Variants in PTPRU observed in about 807,000 individuals in gnomAD.
PTPRU encodes the protein protein tyrosine phosphatase receptor type U.
Under a neutral mutation model 166.3 loss-of-function variants are expected in PTPRU, and 69 were observed. The ratio of observed to expected loss-of-function variants is 0.41; its 90% confidence interval spans 0.34 to 0.51. The LOEUF (loss-of-function observed/expected upper bound fraction) is 0.51, where lower values mean the gene tolerates loss of function less well. Ranked by LOEUF, PTPRU falls within the 20% of genes least tolerant of loss-of-function variation. The pLI is 0.09. For synonymous variants in PTPRU, 793 were observed against 814.0 expected (o/e 0.97, Z 0.44); for missense variants, 1,657 against 2,013.7 (o/e 0.82, Z 3.39).
intron 8 of PTPRU, among the ~76,000 whole-genome samples, chr1:29,277,803 C>CTTTTTTTATTTTTTTTTTTT (rs1685875903): frequency 2.0e-5 from 1 of 50,564 alleles, no homozygotes; most frequent in African/African-American, 9.2e-5. Flanking sequence ...AGTTGTCATT[C>CTTTTTTTATTTTTTTTTTTT]TTTTTTTTTT....
rs916932098 is a variant in PTPRU at position 29,311,156 on chromosome 1, C to T, written c.2858-300C>T. Reference sequence around the variant, plus strand: ...ATTCTTCTGTTTGCATCCCTTTCCACGACTGTCCATCTGTCTGTCCCTCCT... The same window carrying T: ...ATTCTTCTGTTTGCATCCCTTTCCATGACTGTCCATCTGTCTGTCCCTCCT... On this transcript the variant is annotated intron_variant, in intron 19 of 29. Transcript: ENST00000373779. The surrounding 1 kb of genome is among the most constrained non-coding windows in gnomAD (Gnocchi z 4.1). Among the ~76,000 whole-genome samples, 3 of 152,170 alleles carry T rather than the reference C, an allele frequency of 2.0e-5. No homozygotes were observed. Among genetic ancestry groups the T allele is most frequent in the African/African-American group, 4.8e-5 (2 of 41,444 alleles).
rs1002357173 is a variant in PTPRU at position 29,304,721 on chromosome 1, G to T, written c.2668-53G>T. 3.3e-6 allele frequency: 4 copies of T among 1,198,092 alleles called. No individual in the cohort carries two copies. The Admixed American group carries it at 6.4e-5, about 19-fold the overall frequency. 74.2% of individuals were successfully genotyped at this position (1,198,092 alleles called of 1,614,324 possible). ...ACATCATCCCCACTGAGGGGAAGGG[G>T]CCCTCAGTGAGGGTCCCTCTCTCCC... On this transcript the variant is annotated intron_variant, in intron 16 of 29. Transcript: ENST00000373779.
At position 29,304,025 on chromosome 1, in the gene PTPRU, G is replaced by A. The variant is rs765153873; in HGVS notation, c.2647G>A (p.Gly883Ser). Residue 883 changes from glycine (G) to serine (S), a missense_variant, in exon 16 of 30, where the codon GGC (glycine) becomes AGC (serine). Gly to Ser is a moderately conservative substitution (Grantham distance 56). This residue lies in a region of PTPRU where 1,190 missense variants were observed against 1,477.4 expected (regional missense o/e 0.81). Transcript: ENST00000373779. ...INQMKTAEGY[G>S]FKQEYESFFE... Reference sequence around the variant, plus strand: ...CCAGATGAAGACGGCCGAGGGTTACGGCTTCAAGCAGGAGTATGAGGTGCA... The same window carrying A: ...CCAGATGAAGACGGCCGAGGGTTACAGCTTCAAGCAGGAGTATGAGGTGCA... 2.2e-5 allele frequency: 35 copies of A among 1,610,020 alleles called. No individual in the cohort carries two copies. Among genetic ancestry groups the A allele is most frequent in the Middle Eastern group, 2.1e-4 (1 of 4,730 alleles).
At chr1:29,239,197 T>A (rs920557520) in intron 1 of PTPRU, among the ~76,000 whole-genome samples, 2 of 152,178 alleles carry the variant, frequency 1.3e-5, no homozygotes, top group Non-Finnish European at 2.9e-5. Flanking sequence ...CCAAGTAGAA[T>A]AGATGTGATA....
Position 29,238,964 on chromosome 1 carries a change from T to C in PTPRU, c.73+2247T>C, listed in dbSNP as rs1683913209. The stretch of plus-strand genomic sequence containing the variant: ...AATGGTGTATGGCACTTTTGGTAGA[T>C]ACCAAGTACCTTGTAAAGTAAGGCT... On this transcript the variant is annotated intron_variant, in intron 1 of 29. Coordinates refer to ENST00000373779, the MANE Select transcript of PTPRU (RefSeq NM_133178.4). The surrounding 1 kb of genome is among the most constrained non-coding windows in gnomAD (Gnocchi z 6.1). 6.6e-6 allele frequency among the ~76,000 whole-genome samples: 1 copy of C among 152,194 alleles called. No homozygotes were observed. Among genetic ancestry groups the C allele is most frequent in the Non-Finnish European group, 1.5e-5 (1 of 68,040 alleles).
chr1:29,305,939 C>T (rs756132519), intron 18 of PTPRU, among the ~76,000 whole-genome samples: 3 of 152,232 alleles, frequency 2.0e-5, no homozygotes, highest in Non-Finnish European at 4.4e-5. Flanking sequence ...AAGCACTTTA[C>T]ACCCAAGATC....
intron 26 of PTPRU, 109 bp from the exon 27 acceptor site, chr1:29,323,262 G>T (rs1026373718): frequency 1.4e-6 from 2 of 1,410,216 alleles, no homozygotes; most frequent in East Asian, 5.0e-5. Flanking sequence ...GGTGGGCCAG[G>T]GTTCGTGGGA....
intron 16 of PTPRU, among the ~76,000 whole-genome samples, chr1:29,304,426 T>C (rs1452792183): frequency 6.6e-6 from 1 of 152,196 alleles, no homozygotes; most frequent in Non-Finnish European, 1.5e-5. Context: ...ATCCCACCTC[T>C]GTCTGGACTC....
chr1:29,322,326 G>A (rs1428915053), intron 26 of PTPRU, among the ~76,000 whole-genome samples: 1 of 152,216 alleles, frequency 6.6e-6, no homozygotes, highest in Non-Finnish European at 1.5e-5. Flanking sequence ...AGATCTCATG[G>A]TCCAGGAGGA....
chr1:29,323,120 C>T lies in PTPRU; in HGVS notation c.3829-251C>T, dbSNP rs565417517. On this transcript the variant is annotated intron_variant, in intron 26 of 29. Transcript: ENST00000373779. Reference sequence around the variant, plus strand: ...AGCTGCACAGCAGTAGGCATCAGTGCAGTTTGCAAAGGGTTCATCTTGGCT... The same window carrying T: ...AGCTGCACAGCAGTAGGCATCAGTGTAGTTTGCAAAGGGTTCATCTTGGCT... The T allele has an allele frequency of 8.3e-6, 4 of 479,116 alleles. No homozygotes were observed. In the East Asian group the frequency reaches 1.5e-4, roughly 18 times the overall value. 29.7% of individuals were successfully genotyped at this position (479,116 alleles called of 1,614,324 possible). A position where few individuals can be genotyped will look rare whatever the true frequency, so the allele number is the denominator to read the frequency against.
At chr1:29,310,464 G>T (rs12735793) in intron 18 of PTPRU, among the ~76,000 whole-genome samples, 2 of 152,074 alleles carry the variant, frequency 1.3e-5, no homozygotes, top group Non-Finnish European at 2.9e-5. Flanking sequence ...CTTTATGGGT[G>T]GGGGGTCCCT....
chr1:29,310,241 C>A (rs1211098027), intron 18 of PTPRU, among the ~76,000 whole-genome samples: 2 of 152,112 alleles, frequency 1.3e-5, no homozygotes, highest in Non-Finnish European at 2.9e-5. Context: ...TCATCTAGGC[C>A]CCCCACGCTC....
intron 15 of PTPRU, among the ~76,000 whole-genome samples, chr1:29,302,710 C>T (rs1687192837): frequency 6.6e-6 from 1 of 152,090 alleles, no homozygotes; most frequent in South Asian, 2.1e-4. Flanking sequence ...CCATCATACC[C>T]AGCTAATTTT....
rs1431008363 is a variant in PTPRU at position 29,325,697 on chromosome 1, G to T, written c.*36G>T. ...GCCTGGGGCACCCACTGCACACTCA[G>T]GGCCAGACCCACCATCCTGGACTGG... On this transcript the variant is annotated 3_prime_UTR_variant, in exon 30 of 30. Transcript: ENST00000373779. The T allele has an allele frequency of 4.6e-6, 7 of 1,533,314 alleles. No homozygotes were observed. The highest frequency in any genetic ancestry group is 6.2e-6 in the Non-Finnish European group (7 of 1,123,460). The allele number at this position is 1,533,314 out of a possible 1,614,324, so 95.0% of individuals were successfully genotyped here. A position where few individuals can be genotyped will look rare whatever the true frequency, so the allele number is the denominator to read the frequency against.
rs1433635119 is a variant in PTPRU at position 29,280,573 on chromosome 1, C to T, written c.1868+432C>T. Among the ~76,000 whole-genome samples the T allele has an allele frequency of 1.3e-5, 2 of 152,200 alleles. No homozygotes were observed. Among genetic ancestry groups the T allele is most frequent in the Non-Finnish European group, 2.9e-5 (2 of 68,038 alleles). ...GGCTAGGAGCTTGGCTTCTCCACCTCCTCTCCCCAGAGGAAGCTGGGCTTG... is the reference window on the plus strand; with the variant it reads ...GGCTAGGAGCTTGGCTTCTCCACCTTCTCTCCCCAGAGGAAGCTGGGCTTG... On this transcript the variant is annotated intron_variant, in intron 11 of 29. Transcript: ENST00000373779. This position sits in a 1 kb window ranked among gnomAD's most constrained non-coding sequence, Gnocchi z 4.2.
chr1:29,255,161 A>G, intron 1 of PTPRU, 114 bp from the exon 2 acceptor site: 1 of 1,275,484 alleles, frequency 7.8e-7, no homozygotes, highest in Non-Finnish European at 1.1e-6. Flanking sequence ...GGGCCTGAAG[A>G]GAGGGAGGAG....
Sources: allele counts gnomAD v4.1 joint callset (sites outside exome capture counted in the v4.1 genomes callset), GRCh38; gene constraint gnomAD v4.1.1; regional missense constraint gnomAD v4.1.1; non-coding constraint Gnocchi (gnomAD v3.1); transcripts MANE v1.5; gene names NCBI Gene and HGNC (gene_info 2026-07-23, HGNC 2026-07-21).